Variants in COLEC12 observed in about 807,000 individuals in gnomAD.
COLEC12 encodes the protein collectin-12.
COLEC12 carries 33 observed loss-of-function variants against 71.1 expected under a neutral mutation model. That is an observed-to-expected ratio of 0.46 (90% CI 0.35 to 0.62). The LOEUF (loss-of-function observed/expected upper bound fraction) is 0.62. Ranked by LOEUF, COLEC12 falls within the 20% of genes least tolerant of loss-of-function variation. The probability of loss-of-function intolerance (pLI) is 0.00; values close to 1 mark genes in which losing one functional copy is unlikely to be tolerated. For missense variants in COLEC12, 765 were observed against 916.1 expected (o/e 0.84, Z 2.13); for synonymous variants, 350 against 353.0 (o/e 0.99, Z 0.10).
At position 357,525 on chromosome 18, in the gene COLEC12, G is replaced by A; in HGVS notation, c.59-3C>T. 1 of 1,518,950 alleles carries A rather than the reference G, an allele frequency of 6.6e-7. No individual in the cohort carries two copies. The highest frequency in any genetic ancestry group is 8.8e-7 in the Non-Finnish European group (1 of 1,131,000). 94.1% of individuals were successfully genotyped at this position (1,518,950 alleles called of 1,614,324 possible). ...ACATTGTGTTCCTTCCTGAATACCT[G>A]TAAGAGAAGTCAAATTTTAATAACA... is the stretch of plus-strand genomic sequence containing the variant. On this transcript the variant is annotated splice_polypyrimidine_tract_variant and splice_region_variant and intron_variant, in intron 2 of 9. Coordinates refer to ENST00000400256, the MANE Select transcript of COLEC12 (RefSeq NM_130386.3).
At chr18:352,816 T>C (rs1352848342) in intron 3 of COLEC12, among the ~76,000 whole-genome samples, 1 of 152,196 alleles carries the variant, frequency 6.6e-6, no homozygotes, top group Non-Finnish European at 1.5e-5. Flanking sequence ...CGCAGAGCCA[T>C]CCTGTATTAC....
chr18:454,291 G>A (rs149060788), intron 2 of COLEC12, among the ~76,000 whole-genome samples: 1,979 of 152,248 alleles, frequency 0.013, 18 homozygotes, highest in Middle Eastern at 0.048. Flanking sequence ...ATGAGGCTAC[G>A]ATGCGCTTCC....
At chr18:406,185 G>T (rs992304946) in intron 2 of COLEC12, among the ~76,000 whole-genome samples, 5 of 152,134 alleles carry the variant, frequency 3.3e-5, no homozygotes, top group Non-Finnish European at 5.9e-5. Context: ...TCCACCCCTT[G>T]TTTAGCATAT....
chr18:485,766 C>T (rs1036822054), intron 1 of COLEC12, among the ~76,000 whole-genome samples: 2 of 152,198 alleles, frequency 1.3e-5, no homozygotes, highest in Admixed American at 1.3e-4. Flanking sequence ...TAACATGTTC[C>T]AGTCAATCTG....
chr18:330,926 C>T (rs1203128873), intron 8 of COLEC12, among the ~76,000 whole-genome samples: 1 of 144,768 alleles, frequency 6.9e-6, no homozygotes, highest in Non-Finnish European at 1.5e-5. Flanking sequence ...GTGGCCCAGG[C>T]TGGAGTGCAG....
At chr18:333,886 A>G (rs1914043120) in intron 6 of COLEC12, 1 of 152,224 alleles carries the variant, frequency 6.6e-6, no homozygotes, top group Non-Finnish European at 1.5e-5. Context: ...TCCTATAAAT[A>G]AACAAGTGCA....
intron 9 of COLEC12, 42 bp from the exon 10 acceptor site, chr18:320,106 T>A: frequency 8.6e-7 from 1 of 1,158,418 alleles, no homozygotes; most frequent in Non-Finnish European, 1.3e-6. Context: ...TTTTCTTAAA[T>A]AATAAAGTTA....
intron 2 of COLEC12, among the ~76,000 whole-genome samples, chr18:442,002 T>TCCACACACACAC (rs1221111408): frequency 1.7e-5 from 2 of 120,744 alleles, no homozygotes; most frequent in African/African-American, 3.9e-5. Flanking sequence ...TCTCTCTCTC[T>TCCACACACACAC]ACACACACAC....
chr18:483,961 A>G (rs1367916188), intron 1 of COLEC12, among the ~76,000 whole-genome samples: 1 of 152,184 alleles, frequency 6.6e-6, no homozygotes, highest in Non-Finnish European at 1.5e-5. Context: ...CCACCTCTGC[A>G]GCAGAATCCA....
intron 5 of COLEC12, among the ~76,000 whole-genome samples, chr18:342,140 C>T (rs1050311997): frequency 6.6e-6 from 1 of 152,318 alleles, no homozygotes; most frequent in East Asian, 1.9e-4. Flanking sequence ...TCACCACAAC[C>T]TCCAACTCCC....
At chr18:349,258 A>G (rs1485043677) in intron 3 of COLEC12, among the ~76,000 whole-genome samples, 1 of 152,216 alleles carries the variant, frequency 6.6e-6, no homozygotes, top group Non-Finnish European at 1.5e-5. Context: ...CACTCCAGCC[A>G]TGGCTGAAAG....
intron 3 of COLEC12, among the ~76,000 whole-genome samples, chr18:355,587 C>T (rs1475209998): frequency 6.6e-6 from 1 of 152,172 alleles, no homozygotes; most frequent in Non-Finnish European, 1.5e-5. Context: ...TTTCCTAGCA[C>T]AGGTAAAAAT....
chr18:340,104 A>T (rs1475066212), intron 5 of COLEC12, among the ~76,000 whole-genome samples: 1 of 150,666 alleles, frequency 6.6e-6, no homozygotes, highest in African/African-American at 2.4e-5. Flanking sequence ...AAAAGAACAG[A>T]GTGTTTATGA....
intron 2 of COLEC12, among the ~76,000 whole-genome samples, chr18:376,873 T>A (rs2034274699): frequency 6.6e-6 from 1 of 152,178 alleles, no homozygotes; most frequent in African/African-American, 2.4e-5. Context: ...GCTAGAGGCT[T>A]GAGTGTGAGT....
At chr18:497,845 T>C (rs1352819065) in intron 1 of COLEC12, among the ~76,000 whole-genome samples, 1 of 152,236 alleles carries the variant, frequency 6.6e-6, no homozygotes, top group Non-Finnish European at 1.5e-5. Flanking sequence ...TGGTTCCCTA[T>C]GGCAAATGGT....
intron 2 of COLEC12, among the ~76,000 whole-genome samples, chr18:394,948 A>C (rs1347806650): frequency 2.0e-5 from 3 of 152,224 alleles, no homozygotes; most frequent in African/African-American, 7.2e-5. Flanking sequence ...CAAAAAAAAC[A>C]CCTGGTATTG....
intron 2 of COLEC12, among the ~76,000 whole-genome samples, chr18:441,473 G>C (rs979903937): frequency 7.9e-5 from 12 of 152,046 alleles, no homozygotes; most frequent in Non-Finnish European, 1.2e-4. Context: ...ACATAATGGT[G>C]CGCAACGCAG....
Position 318,140 on chromosome 18 carries a change from C to T in COLEC12, c.*1905G>A, listed in dbSNP as rs1913594947. On this transcript the variant is annotated 3_prime_UTR_variant, in exon 10 of 10. Transcript: ENST00000400256. Reference sequence around the variant, plus strand: ...TACAGGCGCCCGCCACCGCGCCCGGCTAATTTTTTTTTTGTATTTTTAGTA... The same window carrying T: ...TACAGGCGCCCGCCACCGCGCCCGGTTAATTTTTTTTTTGTATTTTTAGTA... 3 of 148,694 alleles carry T rather than the reference C, an allele frequency of 2.0e-5. No homozygotes were observed. Among genetic ancestry groups the T allele is most frequent in the African/African-American group, 7.4e-5 (3 of 40,464 alleles). The allele number at this position is 148,694 out of a possible 1,614,324, so 9.2% of individuals were successfully genotyped here.
rs571026014 is a variant in COLEC12, at chr18:452,075, C to T, written c.58+28632G>A. 4.6e-5 allele frequency among the ~76,000 whole-genome samples: 7 copies of T among 152,248 alleles called. No homozygotes were observed. The South Asian group carries it at 6.2e-4, about 14-fold the overall frequency. On this transcript the variant is annotated intron_variant, in intron 2 of 9. Transcript: ENST00000400256. ...GTAACTTGCTCGAGAAAAAGAATAG[C>T]GTCACATATCTTTAAATGCCCAACT...
Sources: allele counts gnomAD v4.1 joint callset (sites outside exome capture counted in the v4.1 genomes callset), GRCh38; gene constraint gnomAD v4.1.1; transcripts MANE v1.5; gene names NCBI Gene and HGNC (gene_info 2026-07-23, HGNC 2026-07-21).